The following EPHA6 variants were observed in gnomAD, a reference collection of about 807,000 sequenced individuals.
EPHA6 encodes the protein EPH receptor A6, also known as ephrin type-A receptor 6.
A neutral mutation model predicts 112.0 loss-of-function variants in EPHA6; 50 were observed. The observed-to-expected ratio is 0.45, with a 90% CI of 0.36 to 0.56. EPHA6 has a LOEUF of 0.56. Ranked by LOEUF, EPHA6 falls within the 20% of genes least tolerant of loss-of-function variation. The pLI, the probability that EPHA6 is intolerant of heterozygous loss-of-function variation, is 0.00. For missense variants in EPHA6, 1,280 were observed against 1,417.4 expected (o/e 0.90, Z 1.56); for synonymous variants, 529 against 490.7 (o/e 1.08, Z -1.03).
chr3:97,160,281 C>CT (rs367995528), intron 3 of EPHA6, among the ~76,000 whole-genome samples: 6 of 151,760 alleles, frequency 4.0e-5, no homozygotes, highest in Non-Finnish European at 7.4e-5. Context: ...AATATCTTCA[C>CT]TTTTTTTTCT....
intron 2 of EPHA6, among the ~76,000 whole-genome samples, chr3:96,967,245 A>G (rs1307588918): frequency 6.7e-6 from 1 of 150,122 alleles, no homozygotes; most frequent in Non-Finnish European, 1.5e-5. Flanking sequence ...AAATTATTAT[A>G]TAATTTTAGA....
chr3:96,824,469 T>G (rs772412058), intron 1 of EPHA6, among the ~76,000 whole-genome samples: 1 of 151,888 alleles, frequency 6.6e-6, no homozygotes, highest in Non-Finnish European at 1.5e-5. Flanking sequence ...TCTCATAGGT[T>G]TTATATATAA....
At chr3:97,284,257 A>T (rs1346248344) in intron 5 of EPHA6, among the ~76,000 whole-genome samples, 2 of 152,188 alleles carry the variant, frequency 1.3e-5, no homozygotes, top group African/African-American at 2.4e-5. Context: ...ACTAGCTTTT[A>T]AATCTGTGCC....
intron 14 of EPHA6, among the ~76,000 whole-genome samples, chr3:97,663,242 T>G (rs2094181565): frequency 6.6e-6 from 1 of 152,210 alleles, no homozygotes; most frequent in Non-Finnish European, 1.5e-5. Flanking sequence ...GGAGACATAG[T>G]TAGCATCAGA....
chr3:96,857,836 T>C (rs557732474), intron 1 of EPHA6, among the ~76,000 whole-genome samples: 10 of 152,116 alleles, frequency 6.6e-5, no homozygotes, highest in Non-Finnish European at 1.5e-4. Flanking sequence ...AAGATTTTCA[T>C]TTAAATTATT....
chr3:97,633,095 C>T (rs1349198228), intron 13 of EPHA6, among the ~76,000 whole-genome samples: 4 of 151,990 alleles, frequency 2.6e-5, no homozygotes, highest in Admixed American at 6.6e-5. Context: ...ATAGACAATG[C>T]GACATGTCAT....
At chr3:97,539,232 T>G (rs957757871) in intron 11 of EPHA6, among the ~76,000 whole-genome samples, 3 of 151,038 alleles carry the variant, frequency 2.0e-5, no homozygotes, top group African/African-American at 7.3e-5. Context: ...ACTGCAACCT[T>G]TGCCTCCCTG....
intron 12 of EPHA6, among the ~76,000 whole-genome samples, chr3:97,608,199 C>T (rs1560185905): frequency 1.3e-5 from 2 of 151,040 alleles, no homozygotes. Context: ...TCACAGGAAA[C>T]CAGGGAAGCC....
At chr3:97,265,033 ATTG>A (rs1345277474) in intron 5 of EPHA6, among the ~76,000 whole-genome samples, 2 of 152,122 alleles carry the variant, frequency 1.3e-5, no homozygotes, top group Non-Finnish European at 2.9e-5. Flanking sequence ...CATCCTGACA[ATTG>A]TTAAGCTATC....
At chr3:96,961,966 C>G (rs1211105518) in intron 2 of EPHA6, among the ~76,000 whole-genome samples, 9 of 152,128 alleles carry the variant, frequency 5.9e-5, no homozygotes, top group African/African-American at 2.2e-4. Context: ...TATTAAGCTA[C>G]TTAACACCAT....
intron 11 of EPHA6, among the ~76,000 whole-genome samples, chr3:97,584,102 G>C (rs1284026114): frequency 1.3e-5 from 2 of 152,056 alleles, no homozygotes; most frequent in African/African-American, 4.8e-5. Flanking sequence ...TACTATTTGA[G>C]TGTACATTGT....
chr3:97,122,997 T>G (rs965798960), intron 3 of EPHA6, among the ~76,000 whole-genome samples: 5 of 152,052 alleles, frequency 3.3e-5, no homozygotes, highest in African/African-American at 1.2e-4. Context: ...ATATGCTGAT[T>G]TCTTCTCAGA....
chr3:97,256,917 G>T (rs1353767050), intron 5 of EPHA6, among the ~76,000 whole-genome samples: 1 of 151,990 alleles, frequency 6.6e-6, no homozygotes, highest in Non-Finnish European at 1.5e-5. Flanking sequence ...AAATCAACTA[G>T]TGAATAATTA....
At chr3:97,481,840 T>C (rs2091562089) in intron 9 of EPHA6, among the ~76,000 whole-genome samples, 1 of 152,252 alleles carries the variant, frequency 6.6e-6, no homozygotes, top group Non-Finnish European at 1.5e-5. Flanking sequence ...CCTGGGCTGA[T>C]GACTTAACGC....
At chr3:97,731,916 T>G (rs2035052757) in intron 15 of EPHA6, among the ~76,000 whole-genome samples, 1 of 151,870 alleles carries the variant, frequency 6.6e-6, no homozygotes, top group Non-Finnish European at 1.5e-5. Context: ...GCACATCTAA[T>G]CTCAGCCCAG....
At chr3:97,081,671 A>G (rs1164421376) in intron 3 of EPHA6, among the ~76,000 whole-genome samples, 1 of 151,846 alleles carries the variant, frequency 6.6e-6, no homozygotes, top group Non-Finnish European at 1.5e-5. Flanking sequence ...ATATGCACAC[A>G]TAAAAATCAG....
Position 96,866,462 on chromosome 3 carries a change from T to G in EPHA6, c.386-363T>G, listed in dbSNP as rs141839379. On this transcript the variant is annotated intron_variant, in intron 1 of 17. Coordinates refer to ENST00000389672, the MANE Select transcript of EPHA6 (RefSeq NM_001080448.3). ...AATCTGCTTTAATACAGGATTTTCT[T>G]CCTGAATGTGGTCTAAAAATACTGT... Among the ~76,000 whole-genome samples, 20 of 152,058 alleles carry G rather than the reference T, an allele frequency of 1.3e-4. No individual in the cohort carries two copies. The East Asian group carries it at 3.9e-3, about 29-fold the overall frequency.
At chr3:96,991,396 T>C (rs2043210886) in intron 3 of EPHA6, among the ~76,000 whole-genome samples, 2 of 152,100 alleles carry the variant, frequency 1.3e-5, no homozygotes, top group Non-Finnish European at 2.9e-5. Flanking sequence ...TTGACTTGAG[T>C]TGGAATGTCC....
intron 1 of EPHA6, among the ~76,000 whole-genome samples, chr3:96,838,996 G>A (rs1377180153): frequency 6.6e-6 from 1 of 152,114 alleles, no homozygotes; most frequent in East Asian, 1.9e-4. Context: ...GTTCCCAGCT[G>A]AGAAAGAGGC....
Sources: gnomAD v4.1 joint callset for allele counts (sites outside exome capture counted in the v4.1 genomes callset) on GRCh38, gnomAD v4.1.1 for gene constraint, MANE v1.5 for transcripts, NCBI Gene and HGNC (gene_info 2026-07-23, HGNC 2026-07-21) for gene names.